The following KCNC2 variants were observed in gnomAD, a reference collection of about 807,000 sequenced individuals.
KCNC2 encodes voltage-gated potassium channel KCNC2.
A neutral mutation model predicts 44.5 loss-of-function variants in KCNC2; 21 were observed. That is an observed-to-expected ratio of 0.47 (90% confidence interval 0.33 to 0.68). KCNC2 has a LOEUF of 0.68. Ranked by LOEUF, KCNC2 falls within the 30% of genes least tolerant of loss-of-function variation. The pLI is 0.01. For missense variants in KCNC2, 589 were observed against 826.2 expected (o/e 0.71, Z 3.52); for synonymous variants, 391 against 339.1 (o/e 1.15, Z -1.68).
intron 2 of KCNC2, among the ~76,000 whole-genome samples, chr12:75,134,543 A>G (rs1045219842): frequency 4.6e-5 from 7 of 151,952 alleles, no homozygotes; most frequent in African/African-American, 1.7e-4. Context: ...CAGTCCTGAA[A>G]GAAGTTTTGA....
chr12:75,124,079 T>C (rs1888231370), intron 2 of KCNC2: 1 of 152,228 alleles, frequency 6.6e-6, no homozygotes, highest in Non-Finnish European at 1.5e-5. Flanking sequence ...TGTTCAGGGT[T>C]TGGTTCTGTA....
At chr12:75,157,855 C>A (rs771057724) in intron 2 of KCNC2, among the ~76,000 whole-genome samples, 2 of 151,858 alleles carry the variant, frequency 1.3e-5, no homozygotes, top group South Asian at 4.1e-4. Context: ...CACTTAAATA[C>A]GTTTTAAATG....
intron 2 of KCNC2, among the ~76,000 whole-genome samples, chr12:75,095,391 A>G (rs976979689): frequency 6.6e-6 from 1 of 151,742 alleles, no homozygotes; most frequent in Non-Finnish European, 1.5e-5. Context: ...TTTTTAATAG[A>G]AGCCCCACAT....
intron 2 of KCNC2, among the ~76,000 whole-genome samples, chr12:75,201,789 C>T (rs148095417): frequency 6.6e-6 from 1 of 151,756 alleles, no homozygotes; most frequent in Non-Finnish European, 1.5e-5. Flanking sequence ...CTGCTCTTCT[C>T]GAAGAAAAGC....
chr12:75,155,019 A>C (rs1890660523), intron 2 of KCNC2, among the ~76,000 whole-genome samples: 1 of 151,830 alleles, frequency 6.6e-6, no homozygotes, highest in African/African-American at 2.4e-5. Context: ...CCTGCTTAGT[A>C]TGAAGAGGAC....
chr12:75,161,668 C>G (rs1290802839), intron 2 of KCNC2, among the ~76,000 whole-genome samples: 1 of 151,714 alleles, frequency 6.6e-6, no homozygotes, highest in African/African-American at 2.4e-5. Context: ...CACAGCTTGG[C>G]CACTGCCCAT....
At chr12:75,077,240 C>T (rs868289574) in intron 2 of KCNC2, among the ~76,000 whole-genome samples, 1 of 152,058 alleles carries the variant, frequency 6.6e-6, no homozygotes, top group Non-Finnish European at 1.5e-5. Flanking sequence ...TGAGCATTTT[C>T]TGGGGGAAAA....
At chr12:75,083,143 T>C (rs936592635) in intron 2 of KCNC2, among the ~76,000 whole-genome samples, 16 of 151,604 alleles carry the variant, frequency 1.1e-4, no homozygotes, top group Admixed American at 5.3e-4. Flanking sequence ...AATAAATATT[T>C]AATATTTTGT....
At chr12:75,141,494 C>G (rs544032758) in intron 2 of KCNC2, among the ~76,000 whole-genome samples, 1 of 152,184 alleles carries the variant, frequency 6.6e-6, no homozygotes, top group Non-Finnish European at 1.5e-5. Flanking sequence ...CTTTTCCTAA[C>G]AGAAACACAT....
At position 75,114,560 on chromosome 12, in the gene KCNC2, A is replaced by T. The variant is rs549379716; in HGVS notation, c.688-63243T>A. Among the ~76,000 whole-genome samples the T allele has an allele frequency of 2.0e-5, 3 of 152,148 alleles. No individual in the cohort carries two copies. In the South Asian group the frequency reaches 6.2e-4, roughly 32 times the overall value. On this transcript the variant is annotated intron_variant, in intron 2 of 4. Coordinates refer to ENST00000549446, the MANE Select transcript of KCNC2 (RefSeq NM_139137.4). ...GCTGCTACGAGTAAGGGCTATAAAGAAAAATATATCGGGGAAAGGAAATGT... is the reference window on the plus strand; with the variant it reads ...GCTGCTACGAGTAAGGGCTATAAAGTAAAATATATCGGGGAAAGGAAATGT...
intron 2 of KCNC2, among the ~76,000 whole-genome samples, chr12:75,151,124 G>A (rs1890362950): frequency 6.6e-6 from 1 of 151,880 alleles, no homozygotes; most frequent in South Asian, 2.1e-4. Flanking sequence ...GCTCACCAAA[G>A]CCCAAAGCCT....
At chr12:75,180,967 C>G (rs1892531058) in intron 2 of KCNC2, among the ~76,000 whole-genome samples, 1 of 152,068 alleles carries the variant, frequency 6.6e-6, no homozygotes, top group South Asian at 2.1e-4. Flanking sequence ...CTGATTTACT[C>G]ACACATAGTA....
chr12:75,072,410 G>A (rs1483659148), intron 2 of KCNC2, among the ~76,000 whole-genome samples: 1 of 151,866 alleles, frequency 6.6e-6, no homozygotes, highest in Non-Finnish European at 1.5e-5. Context: ...TTGAAAGGAA[G>A]GGAATATTTT....
At chr12:75,120,326 G>A (rs1887966504) in intron 2 of KCNC2, among the ~76,000 whole-genome samples, 1 of 152,142 alleles carries the variant, frequency 6.6e-6, no homozygotes, top group Non-Finnish European at 1.5e-5. Flanking sequence ...ATTGAGGCTT[G>A]GCAGAAAGCC....
chr12:75,185,093 G>C (rs1255355406), intron 2 of KCNC2, among the ~76,000 whole-genome samples: 1 of 152,154 alleles, frequency 6.6e-6, no homozygotes. Context: ...CAGATATGTT[G>C]TATTTTCTCA....
At chr12:75,206,573 G>A (rs765480940) in intron 2 of KCNC2, among the ~76,000 whole-genome samples, 3 of 152,160 alleles carry the variant, frequency 2.0e-5, no homozygotes, top group Non-Finnish European at 4.4e-5. Context: ...CACCAAAGTG[G>A]TTAATGTATG....
chr12:75,050,180 T>G (rs753973888), intron 3 of KCNC2, among the ~76,000 whole-genome samples: 1 of 151,750 alleles, frequency 6.6e-6, no homozygotes, highest in Non-Finnish European at 1.5e-5. Flanking sequence ...GAAAACTCTA[T>G]AGACCAGCTA....
intron 2 of KCNC2, among the ~76,000 whole-genome samples, chr12:75,123,531 T>C (rs1228155993): frequency 6.6e-6 from 1 of 152,184 alleles, no homozygotes; most frequent in Non-Finnish European, 1.5e-5. Flanking sequence ...TCCCTAATTA[T>C]TCATTCTGTC....
At chr12:75,149,756 T>G (rs542450921) in intron 2 of KCNC2, among the ~76,000 whole-genome samples, 1 of 151,904 alleles carries the variant, frequency 6.6e-6, no homozygotes, top group South Asian at 2.1e-4. Flanking sequence ...TATAATTATC[T>G]GATAATATAA....
Sources: allele counts gnomAD v4.1 joint callset (sites outside exome capture counted in the v4.1 genomes callset), GRCh38; gene constraint gnomAD v4.1.1; transcripts MANE v1.5; gene names NCBI Gene and HGNC (gene_info 2026-07-23, HGNC 2026-07-21).